CFTR: variants seen among roughly 807,000 people sequenced by gnomAD.
CFTR encodes cystic fibrosis transmembrane conductance regulator.
Under a neutral mutation model 171.6 loss-of-function variants are expected in CFTR, and 181 were observed. The observed-to-expected ratio is 1.05, with a 90% CI of 0.93 to 1.19. The LOEUF is 1.19. Among genes scored for constraint, CFTR ranks in the 50% most tolerant of loss-of-function variants. CFTR has a pLI of 0.00. For synonymous variants in CFTR, 583 were observed against 608.0 expected (o/e 0.96, Z 0.60); for missense variants, 1,968 against 1,734.7 (o/e 1.13, Z -2.39).
At chr7:117,648,313 A>G (rs1055142134) in intron 23 of CFTR, among the ~76,000 whole-genome samples, 1 of 151,916 alleles carries the variant, frequency 6.6e-6, no homozygotes, top group African/African-American at 2.4e-5. Context: ...TTTTTGTTTG[A>G]CATCCAATGC....
chr7:117,640,752 T>A (rs1404948222), intron 22 of CFTR, among the ~76,000 whole-genome samples: 1 of 152,170 alleles, frequency 6.6e-6, no homozygotes, highest in East Asian at 1.9e-4. Context: ...CCACAATATT[T>A]TAAAATTAGG....
chr7:117,481,726 C>T (rs545224828), intron 1 of CFTR, among the ~76,000 whole-genome samples: 44 of 152,308 alleles, frequency 2.9e-4, no homozygotes, highest in Admixed American at 2.2e-3. Context: ...CTGACAATCA[C>T]CTAAAATACC....
At chr7:117,664,365 A>G (rs1266900619) in intron 24 of CFTR, among the ~76,000 whole-genome samples, 1 of 152,190 alleles carries the variant, frequency 6.6e-6, no homozygotes, top group East Asian at 1.9e-4. Context: ...GTACACCTTT[A>G]TAAACGCTGA....
At chr7:117,630,423 T>C (rs1192786551) in intron 22 of CFTR, among the ~76,000 whole-genome samples, 1 of 152,160 alleles carries the variant, frequency 6.6e-6, no homozygotes, top group Non-Finnish European at 1.5e-5. Flanking sequence ...GTAAAGGTGG[T>C]GTTGCAGAAT....
chr7:117,569,194 A>G (rs1791649230), intron 11 of CFTR, among the ~76,000 whole-genome samples: 2 of 152,178 alleles, frequency 1.3e-5, no homozygotes, highest in South Asian at 4.1e-4. Context: ...CAGATTTCCA[A>G]GGAATTTCAA....
chr7:117,538,866 T>C (rs1414436052), intron 7 of CFTR, among the ~76,000 whole-genome samples: 2 of 152,230 alleles, frequency 1.3e-5, no homozygotes, highest in African/African-American at 2.4e-5. Context: ...ATAGACGGAA[T>C]TGCAATCCGG....
intron 17 of CFTR, chr7:117,604,842 G>A (rs1434746542): frequency 1.3e-5 from 2 of 152,278 alleles, no homozygotes; most frequent in East Asian, 1.9e-4. Context: ...ACCCACAGAA[G>A]GCAGGGGATT....
intron 3 of CFTR, among the ~76,000 whole-genome samples, chr7:117,517,367 T>A (rs1798611209): frequency 6.6e-6 from 1 of 152,230 alleles, no homozygotes; most frequent in South Asian, 2.1e-4. Context: ...TTCATCCATG[T>A]TCCTGCAAGG....
chr7:117,492,326 A>G (rs1374216317), intron 1 of CFTR, among the ~76,000 whole-genome samples: 7 of 151,982 alleles, frequency 4.6e-5, no homozygotes, highest in Non-Finnish European at 8.8e-5. Flanking sequence ...CATTGCATTT[A>G]CTATAGAATT....
rs550554286 is a variant in CFTR at position 117,656,342 on chromosome 7, TC to T, written c.3963+3412del. On this transcript the variant is annotated intron_variant, in intron 24 of 26. Transcript: ENST00000003084. ...GAACACCTGCAAATGACAATAGTTT[TC>T]TTTCGAAGTCGCCAGGAATCGTCTG... Among the ~76,000 whole-genome samples, 202 of 152,292 alleles carry T rather than the reference TC, an allele frequency of 1.3e-3. 1 individual carries two copies. Among genetic ancestry groups the T allele is most frequent in the African/African-American group, 4.8e-3 (199 of 41,566 alleles).
At chr7:117,600,325 C>T (rs1445094323) in intron 15 of CFTR, among the ~76,000 whole-genome samples, 1 of 151,990 alleles carries the variant, frequency 6.6e-6, no homozygotes, top group African/African-American at 2.4e-5. Flanking sequence ...CTTGGCAGTG[C>T]ATCATTGACT....
chr7:117,661,856 T>A (rs1240526655), intron 24 of CFTR, among the ~76,000 whole-genome samples: 2 of 152,070 alleles, frequency 1.3e-5, no homozygotes, highest in East Asian at 3.8e-4. Flanking sequence ...ATGAGATAAA[T>A]GAGACTTAAA....
rs150317615 is a variant in CFTR, at chr7:117,582,202, C to G, written c.1585-5537C>G. Among the ~76,000 whole-genome samples the G allele has an allele frequency of 5.2e-4, 79 of 152,096 alleles. 1 individual carries two copies. The highest frequency in any genetic ancestry group is 1.9e-3 in the African/African-American group (78 of 41,496). On this transcript the variant is annotated intron_variant, in intron 11 of 26. Coordinates refer to ENST00000003084, the MANE Select transcript of CFTR (RefSeq NM_000492.4). ...ATGAAACATAAACTATTATTTGACC[C>G]AGGTTTTTGTTAGAGGAATTGAGTC...
intron 1 of CFTR, among the ~76,000 whole-genome samples, chr7:117,481,055 GTATCA>G (rs909538430): frequency 2.0e-5 from 3 of 152,176 alleles, no homozygotes; most frequent in Non-Finnish European, 4.4e-5. Flanking sequence ...GCATACTGAG[GTATCA>G]AAAAAGTCAA....
At chr7:117,539,936 A>G (rs1230716992) in intron 7 of CFTR, among the ~76,000 whole-genome samples, 164 bp from the exon 8 acceptor site, 2 of 152,102 alleles carry the variant, frequency 1.3e-5, no homozygotes, top group African/African-American at 2.4e-5. Context: ...GCCCAGAGAG[A>G]TTAAATAACA....
intron 21 of CFTR, among the ~76,000 whole-genome samples, chr7:117,617,869 T>C (rs1792518109): frequency 6.6e-6 from 1 of 152,254 alleles, no homozygotes; most frequent in South Asian, 2.1e-4. Context: ...CTACTTCCAT[T>C]TTTTTCTCAA....
chr7:117,584,670 C>A (rs213961), intron 11 of CFTR, among the ~76,000 whole-genome samples: 82,617 of 151,802 alleles, frequency 0.54, 25,167 homozygotes, highest in African/African-American at 0.83. Flanking sequence ...TTTTAGTTCC[C>A]TATGAATTTT....
chr7:117,597,091 G>T (rs557497281), intron 15 of CFTR, among the ~76,000 whole-genome samples: 30 of 152,224 alleles, frequency 2.0e-4, no homozygotes, highest in Non-Finnish European at 3.4e-4. Context: ...GTGGCAACCT[G>T]CTGGGGTCTG....
chr7:117,575,918 A>T (rs1791763283), intron 11 of CFTR, among the ~76,000 whole-genome samples: 1 of 152,024 alleles, frequency 6.6e-6, no homozygotes, highest in Non-Finnish European at 1.5e-5. Context: ...GAGTTTTAAA[A>T]TTTTTATGTA....
Sources: allele counts gnomAD v4.1 joint callset (sites outside exome capture counted in the v4.1 genomes callset), GRCh38; gene constraint gnomAD v4.1.1; transcripts MANE v1.5; gene names NCBI Gene and HGNC (gene_info 2026-07-23, HGNC 2026-07-21).